TRIP12: variants seen among roughly 807,000 people sequenced by gnomAD.
TRIP12 encodes the protein thyroid hormone receptor interactor 12.
TRIP12 carries 25 observed loss-of-function variants against 244.2 expected under a neutral mutation model. That is an observed-to-expected ratio of 0.10 (90% CI 0.07 to 0.14). The LOEUF (loss-of-function observed/expected upper bound fraction) is 0.14. Ranked by LOEUF, TRIP12 falls within the 10% of genes least tolerant of loss-of-function variation. The pLI is 1.00. For missense variants in TRIP12, 1,677 were observed against 2,486.4 expected, an observed-to-expected ratio of 0.67 and a Z score of 6.92; for synonymous variants, 905 against 873.1, an observed-to-expected ratio of 1.04 and a Z score of -0.64.
intron 1 of TRIP12, among the ~76,000 whole-genome samples, chr2:229,906,682 T>C (rs1351136637): frequency 1.4e-5 from 2 of 143,778 alleles, no homozygotes; most frequent in Non-Finnish European, 3.0e-5. Flanking sequence ...ATCACACCAC[T>C]GCACTCCAAC....
intron 5 of TRIP12, among the ~76,000 whole-genome samples, chr2:229,838,549 G>A (rs1453417984): frequency 1.3e-5 from 2 of 152,182 alleles, no homozygotes; most frequent in Admixed American, 6.5e-5. Context: ...TGAGTAGAAG[G>A]AGAGACGGTT....
intron 26 of TRIP12, chr2:229,793,379 A>G (rs2042022376): frequency 3.1e-6 from 1 of 319,860 alleles, no homozygotes; most frequent in Non-Finnish European, 5.8e-6. Context: ...ACCTTAAGTC[A>G]ATATTTGATC....
intron 5 of TRIP12, among the ~76,000 whole-genome samples, chr2:229,839,983 G>C (rs763917257): frequency 3.9e-5 from 6 of 152,184 alleles, no homozygotes; most frequent in Non-Finnish European, 8.8e-5. Flanking sequence ...TGAGCGAAAG[G>C]TGTTATAAAA....
intron 6 of TRIP12, 124 bp from the exon 7 acceptor site, chr2:229,830,963 T>TA (rs1055863254): frequency 4.0e-6 from 3 of 746,310 alleles, no homozygotes; most frequent in Non-Finnish European, 7.0e-6. Context: ...CTTGTCTTGC[T>TA]ACTGTACACT....
At chr2:229,808,222 T>TC in intron 16 of TRIP12, 30 bp downstream of exon 16, 1 of 1,542,868 alleles carries the variant, frequency 6.5e-7, no homozygotes, top group Non-Finnish European at 9.0e-7. Context: ...CGCCTTGGCC[T>TC]CCCAAAGTGA....
At chr2:229,815,216 T>A (rs780608458) in intron 10 of TRIP12, 22 bp from the exon 11 acceptor site, 1 of 1,602,032 alleles carries the variant, frequency 6.2e-7, no homozygotes, top group Non-Finnish European at 8.5e-7. Flanking sequence ...GAGATTTTAA[T>A]GAGTAAAAAC....
intron 1 of TRIP12, among the ~76,000 whole-genome samples, chr2:229,900,539 C>T (rs969043998): frequency 1.3e-5 from 2 of 152,094 alleles, no homozygotes; most frequent in Non-Finnish European, 2.9e-5. Context: ...CAGCACATTA[C>T]AACATTAATT....
intron 2 of TRIP12, among the ~76,000 whole-genome samples, chr2:229,873,227 G>A (rs1309867104): frequency 6.6e-6 from 1 of 152,174 alleles, no homozygotes. Context: ...TCTTTCCCCT[G>A]ATGGTGATAA....
At chr2:229,864,054 G>GTGTGTA (rs1559957964) in intron 2 of TRIP12, among the ~76,000 whole-genome samples, 1 of 132,134 alleles carries the variant, frequency 7.6e-6, no homozygotes, top group Non-Finnish European at 1.5e-5. Flanking sequence ...GAGAGTGTGT[G>GTGTGTA]TGTGTGTGTG....
chr2:229,772,951 A>G (rs1223058667), intron 38 of TRIP12, among the ~76,000 whole-genome samples: 1 of 152,150 alleles, frequency 6.6e-6, no homozygotes, highest in Non-Finnish European at 1.5e-5. Flanking sequence ...ATAAACCAAA[A>G]CAAATTTTTC....
intron 4 of TRIP12, among the ~76,000 whole-genome samples, chr2:229,848,628 C>G (rs569790896): frequency 1.5e-4 from 23 of 152,144 alleles, no homozygotes; most frequent in South Asian, 2.1e-4. Context: ...AAAGAGAAAA[C>G]AAACAAGTAC....
intron 20 of TRIP12, 68 bp downstream of exon 20, chr2:229,803,503 C>T: frequency 9.5e-7 from 1 of 1,047,584 alleles, no homozygotes; most frequent in Non-Finnish European, 1.4e-6. Context: ...TTTTGCTCGA[C>T]AGATTAAAAC....
rs1576818751 is a variant in TRIP12 at position 229,895,607 on chromosome 2, T to C, written c.-49-15479A>G. 2.0e-5 allele frequency among the ~76,000 whole-genome samples: 3 copies of C among 149,260 alleles called. No homozygotes were observed. The East Asian group carries it at 6.0e-4, about 30-fold the overall frequency. ...AAAGTGGAAGACAGAAGGAATTATA[T>C]AAAATATATCACAGAAAGAACAAAA... On this transcript the variant is annotated intron_variant, in intron 1 of 41. Coordinates refer to ENST00000675903, the MANE Select transcript of TRIP12 (RefSeq NM_001348323.3).
In TRIP12 at chr2:229,792,133, G is replaced by A. The variant is rs745972740; in HGVS notation, c.4215+20C>T. ...AACTTTATATAGTACATTATACATG[G>A]TGGGAATATAGTACCTTACCAGAGA... On this transcript the variant is annotated intron_variant, in intron 28 of 41. Transcript: ENST00000675903. 1 of 1,613,910 alleles carries A rather than the reference G, an allele frequency of 6.2e-7. No individual in the cohort carries two copies.
intron 15 of TRIP12, 21 bp downstream of exon 15, chr2:229,810,859 G>C (rs1264940726): frequency 1.9e-6 from 3 of 1,611,254 alleles, no homozygotes; most frequent in South Asian, 1.1e-5. Context: ...GCTTAAAGTA[G>C]AACAGTAAAT....
At chr2:229,913,695 G>A (rs942860766) in intron 1 of TRIP12, among the ~76,000 whole-genome samples, 5 of 152,074 alleles carry the variant, frequency 3.3e-5, no homozygotes, top group African/African-American at 4.8e-5. Context: ...TCACAACATC[G>A]TTTCTCAATG....
intron 33 of TRIP12, among the ~76,000 whole-genome samples, chr2:229,787,013 A>G (rs1460338551): frequency 2.0e-5 from 3 of 152,232 alleles, no homozygotes; most frequent in African/African-American, 7.2e-5. Flanking sequence ...CCAAGATTAG[A>G]AACACAGATT....
rs1312207922 is a variant in TRIP12, at chr2:229,836,881, C to T, written c.1237G>A (p.Ala413Thr). ...SNQEAVNSSA[A>T]RTDEAPQGAA... The stretch of plus-strand genomic sequence containing the variant: ...CCTTGGGGAGCTTCATCTGTCCGAG[C>T]AGCTGAAGAATTTACTGCCTCCTGG... The change falls in exon 6 of 42, where the codon GCT becomes ACT. Residue 413 changes from alanine to threonine, a missense_variant. By Grantham distance (58) the Ala-to-Thr change is moderately conservative. This residue lies in a region of TRIP12 where 143 missense variants were observed against 215.6 expected (regional missense o/e 0.66). Coordinates refer to ENST00000675903, the MANE Select transcript of TRIP12 (RefSeq NM_001348323.3). The T allele has an allele frequency of 2.5e-6, 4 of 1,600,180 alleles. No homozygotes were observed. The highest frequency in any genetic ancestry group is 3.4e-6 in the Non-Finnish European group (4 of 1,175,742).
chr2:229,825,890 C>T (rs896511391), intron 8 of TRIP12, among the ~76,000 whole-genome samples: 1 of 152,198 alleles, frequency 6.6e-6, no homozygotes, highest in Non-Finnish European at 1.5e-5. Context: ...AAGATCCCAT[C>T]ATCCAATGCT....
Sources: gnomAD v4.1 joint callset for allele counts (sites outside exome capture counted in the v4.1 genomes callset) on GRCh38, gnomAD v4.1.1 for gene constraint, gnomAD v4.1.1 regional missense constraint, MANE v1.5 for transcripts, NCBI Gene and HGNC (gene_info 2026-07-23, HGNC 2026-07-21) for gene names.